Variants in C10orf67 observed in about 807,000 individuals in gnomAD.
C10orf67 encodes the protein chromosome 10 open reading frame 67, also known as uncharacterized protein C10orf67, mitochondrial.
C10orf67 carries 60 observed loss-of-function variants against 35.6 expected under a neutral mutation model. The ratio of observed to expected loss-of-function variants is 1.68; its 90% CI spans 1.37 to 2.09. The LOEUF (loss-of-function observed/expected upper bound fraction) is 2.09. C10orf67 is among the 30% of genes most tolerant of loss of function. The pLI is 0.00. For missense variants in C10orf67, 474 were observed against 330.2 expected, an observed-to-expected ratio of 1.44 and a Z score of -3.38; for synonymous variants, 167 against 115.8, an observed-to-expected ratio of 1.44 and a Z score of -2.84.
intron 5 of C10orf67, among the ~76,000 whole-genome samples, chr10:23,293,386 G>A (rs2132265469): frequency 6.6e-6 from 1 of 152,174 alleles, no homozygotes; most frequent in East Asian, 1.9e-4. Flanking sequence ...CAGCAATGAG[G>A]ACACTCATTA....
intron 15 of C10orf67, among the ~76,000 whole-genome samples, chr10:23,218,796 A>T (rs1001437260): frequency 6.6e-6 from 1 of 152,172 alleles, no homozygotes; most frequent in Non-Finnish European, 1.5e-5. Flanking sequence ...TTATATGTGG[A>T]ATCTATTGTT....
At chr10:23,204,316 T>G (rs1283381521) in intron 15 of C10orf67, 61 bp from the exon 16 acceptor site, 2 of 481,120 alleles carry the variant, frequency 4.2e-6, no homozygotes, top group African/African-American at 2.0e-5. Context: ...CACAGACCAC[T>G]TCCCACTCTT....
At chr10:23,260,229 G>A (rs1219871207) in intron 10 of C10orf67, among the ~76,000 whole-genome samples, 1 of 152,116 alleles carries the variant, frequency 6.6e-6, no homozygotes, top group Admixed American at 6.5e-5. Context: ...GAAAGAGGGT[G>A]TAGTCATATC....
chr10:23,340,141 T>C (rs1282259380), intron 1 of C10orf67, among the ~76,000 whole-genome samples: 3 of 152,132 alleles, frequency 2.0e-5, no homozygotes, highest in Non-Finnish European at 2.9e-5. Flanking sequence ...TTTCAGGATA[T>C]GATTTAGAAA....
chr10:23,224,687 C>T (rs914013154), intron 13 of C10orf67, among the ~76,000 whole-genome samples: 6 of 152,050 alleles, frequency 3.9e-5, no homozygotes, highest in African/African-American at 1.2e-4. Context: ...CCTTAAAGGA[C>T]GTGATGGAGC....
At chr10:23,332,571 C>G (rs1284869935) in intron 2 of C10orf67, among the ~76,000 whole-genome samples, 1 of 151,742 alleles carries the variant, frequency 6.6e-6, no homozygotes, top group Non-Finnish European at 1.5e-5. Flanking sequence ...GTAGTCCCAG[C>G]TACTTGTGAG....
At chr10:23,277,675 A>G (rs932506276) in intron 8 of C10orf67, among the ~76,000 whole-genome samples, 1 of 152,150 alleles carries the variant, frequency 6.6e-6, no homozygotes, top group African/African-American at 2.4e-5. Context: ...TATGCCATTT[A>G]TGTCAGCATG....
chr10:23,312,881 T>A (rs1453781916), intron 4 of C10orf67, among the ~76,000 whole-genome samples: 2 of 152,196 alleles, frequency 1.3e-5, no homozygotes, highest in African/African-American at 4.8e-5. Flanking sequence ...ACTGAGATTC[T>A]CTGAGGAAGA....
In C10orf67 at chr10:23,289,918, A is replaced by T. The variant is rs2132257359; in HGVS notation, c.891T>A (p.Asp297Glu). ...ATAGTACCTTTTGAATAGTTTTGTGATCCTTTTCTGCCATCTCTTTCATAC... is the reference window on the plus strand; with the variant it reads ...ATAGTACCTTTTGAATAGTTTTGTGTTCCTTTTCTGCCATCTCTTTCATAC... ...LISMKEMAEK[D>E]HKTIQKLMDS... Residue 297 changes from aspartate to glutamate, a missense_variant, in exon 7 of 16, where the codon GAT becomes GAA. Coordinates refer to ENST00000636213, the MANE Select transcript of C10orf67 (RefSeq NM_001371909.1). The T allele has an allele frequency of 1.4e-6, 1 of 716,972 alleles. No homozygotes were observed. The highest frequency in any genetic ancestry group is 2.7e-5 in the East Asian group (1 of 37,296). 44.4% of individuals were successfully genotyped at this position (716,972 alleles called of 1,614,324 possible). A position where few individuals can be genotyped will look rare whatever the true frequency, so the allele number is the denominator to read the frequency against.
rs1253319871 is a variant in C10orf67, at chr10:23,204,111, C to A, written c.*62G>T. On this transcript the variant is annotated 3_prime_UTR_variant, in exon 16 of 16. Transcript: ENST00000636213. ...TATCCTTTCCGAGGGAGGCACCTTA[C>A]ACCAGGACGGCGAGGCCACTCTTTC... The A allele has an allele frequency of 6.4e-6, 3 of 467,694 alleles. No homozygotes were observed. Among genetic ancestry groups the A allele is most frequent in the African/African-American group, 2.0e-5 (1 of 49,446 alleles). 29.0% of individuals were successfully genotyped at this position (467,694 alleles called of 1,614,324 possible). A position where few individuals can be genotyped will look rare whatever the true frequency, so the allele number is the denominator to read the frequency against.
chr10:23,306,723 G>T (rs758628627), intron 4 of C10orf67, among the ~76,000 whole-genome samples: 2 of 151,982 alleles, frequency 1.3e-5, no homozygotes, highest in African/African-American at 2.4e-5. Flanking sequence ...AGCAGATCTT[G>T]TGTCCTTACT....
intron 15 of C10orf67, among the ~76,000 whole-genome samples, chr10:23,204,985 T>C (rs1841120598): frequency 6.6e-6 from 1 of 152,182 alleles, no homozygotes; most frequent in African/African-American, 2.4e-5. Context: ...CAGCCTGCGG[T>C]CACCGGTAGG....
intron 1 of C10orf67, among the ~76,000 whole-genome samples, chr10:23,336,776 G>A (rs1298251802): frequency 6.6e-6 from 1 of 152,020 alleles, no homozygotes; most frequent in Non-Finnish European, 1.5e-5. Context: ...GCCTCCCAAA[G>A]TGCTGGGATT....
chr10:23,337,126 TATGAATGAATGA>T (rs562404120), intron 1 of C10orf67, among the ~76,000 whole-genome samples: 14 of 152,078 alleles, frequency 9.2e-5, no homozygotes, highest in Non-Finnish European at 1.8e-4. Flanking sequence ...TCCATACTGA[TATGAATGAATGA>T]ATGAATGAAT....
chr10:23,336,290 T>C (rs568804787), intron 1 of C10orf67, among the ~76,000 whole-genome samples: 1 of 152,314 alleles, frequency 6.6e-6, no homozygotes, highest in South Asian at 2.1e-4. Flanking sequence ...GAAGAATTGG[T>C]ATGAATGCGT....
intron 8 of C10orf67, among the ~76,000 whole-genome samples, chr10:23,272,309 T>C (rs965123151): frequency 2.6e-5 from 4 of 152,252 alleles, no homozygotes; most frequent in African/African-American, 7.2e-5. Context: ...TACCTTATTC[T>C]AGAAGTTTTG....
intron 12 of C10orf67, among the ~76,000 whole-genome samples, chr10:23,244,234 T>A (rs544594049): frequency 6.6e-6 from 1 of 152,294 alleles, no homozygotes; most frequent in South Asian, 2.1e-4. Context: ...AGAAATCAAA[T>A]TGAATTTAGA....
At chr10:23,328,541 T>G (rs112594682) in intron 2 of C10orf67, among the ~76,000 whole-genome samples, 3 of 152,092 alleles carry the variant, frequency 2.0e-5, no homozygotes, top group Non-Finnish European at 4.4e-5. Flanking sequence ...TGAATCTACA[T>G]CACACAGATC....
At chr10:23,235,368 A>G (rs1842022252) in intron 13 of C10orf67, among the ~76,000 whole-genome samples, 1 of 152,232 alleles carries the variant, frequency 6.6e-6, no homozygotes, top group African/African-American at 2.4e-5. Context: ...AAGGGACACC[A>G]TTCAGAAAAT....
Sources: gnomAD v4.1 joint callset for allele counts (sites outside exome capture counted in the v4.1 genomes callset) on GRCh38, gnomAD v4.1.1 for gene constraint, MANE v1.5 for transcripts, NCBI Gene and HGNC (gene_info 2026-07-23, HGNC 2026-07-21) for gene names.